BNC2: variants seen among roughly 807,000 people sequenced by gnomAD.
The protein encoded by BNC2 is zinc finger protein basonuclin-2.
BNC2 carries 20 observed loss-of-function variants against 76.3 expected under a neutral mutation model. The observed-to-expected ratio is 0.26, with a 90% CI of 0.18 to 0.38. The LOEUF is 0.38. Among genes scored for constraint, BNC2 ranks in the 10% least tolerant of loss-of-function variants. The pLI is 1.00. For synonymous variants in BNC2, 582 were observed against 514.8 expected (o/e 1.13, Z -1.77); for missense variants, 1,382 against 1,399.8 (o/e 0.99, Z 0.20).
At chr9:16,862,953 C>T (rs549411527) in intron 1 of BNC2, among the ~76,000 whole-genome samples, 229 of 150,458 alleles carry the variant, frequency 1.5e-3, no homozygotes, top group African/African-American at 5.3e-3. Flanking sequence ...CTTGCTCTGT[C>T]GCTCAGGCTA....
intron 5 of BNC2, among the ~76,000 whole-genome samples, chr9:16,493,425 A>C (rs1822319305): frequency 1.3e-5 from 2 of 152,234 alleles, no homozygotes; most frequent in Admixed American, 1.3e-4. Context: ...GTAAGAGGGA[A>C]CAAACAACTC....
At chr9:16,856,493 G>A (rs535119429) in intron 1 of BNC2, among the ~76,000 whole-genome samples, 1 of 152,144 alleles carries the variant, frequency 6.6e-6, no homozygotes, top group East Asian at 1.9e-4. Flanking sequence ...GGCTGGACTT[G>A]TACTTCTAGA....
intron 1 of BNC2, among the ~76,000 whole-genome samples, chr9:16,855,258 A>AG (rs1354535298): frequency 1.3e-5 from 2 of 152,178 alleles, no homozygotes; most frequent in Admixed American, 1.3e-4. Flanking sequence ...CATATGCCAG[A>AG]GGAAGACCAT....
intron 3 of BNC2, among the ~76,000 whole-genome samples, chr9:16,681,749 T>C (rs931060153): frequency 6.6e-6 from 1 of 152,180 alleles, no homozygotes; most frequent in Non-Finnish European, 1.5e-5. Context: ...TGTATGTACA[T>C]TTTTCAAATA....
rs1396297137 is a variant in BNC2 at position 16,753,304 on chromosome 9, C to G, written c.4-14819G>C. Among the ~76,000 whole-genome samples, 4 of 152,008 alleles carry G rather than the reference C, an allele frequency of 2.6e-5. No homozygotes were observed. The East Asian group carries it at 7.7e-4, about 29-fold the overall frequency. On this transcript the variant is annotated intron_variant, in intron 1 of 6. Transcript: ENST00000380672. ...TTTACAAATTCCAGTGAAAATGTGC[C>G]ACAGCTGGCAGAATAAATTACTGCA...
At chr9:16,765,104 G>T (rs1437169255) in intron 1 of BNC2, among the ~76,000 whole-genome samples, 1 of 152,092 alleles carries the variant, frequency 6.6e-6, no homozygotes, top group Non-Finnish European at 1.5e-5. Flanking sequence ...AAGGACGGAC[G>T]TTTGTACTAT....
chr9:16,491,497 A>G (rs1236084438), intron 5 of BNC2, among the ~76,000 whole-genome samples: 1 of 152,236 alleles, frequency 6.6e-6, no homozygotes, highest in Non-Finnish European at 1.5e-5. Flanking sequence ...CACACGCAGT[A>G]TTCCTTCAAA....
intron 3 of BNC2, among the ~76,000 whole-genome samples, chr9:16,605,110 T>G (rs1820346063): frequency 1.3e-5 from 2 of 152,204 alleles, no homozygotes; most frequent in African/African-American, 4.8e-5. Context: ...GAACACAACA[T>G]TGTAACTACT....
intron 3 of BNC2, among the ~76,000 whole-genome samples, chr9:16,659,396 T>C (rs1023454573): frequency 1.3e-5 from 2 of 151,548 alleles, no homozygotes; most frequent in Non-Finnish European, 2.9e-5. Context: ...GATCAGGAGG[T>C]CAGGAGATTG....
At chr9:16,698,236 C>A (rs10962542) in intron 3 of BNC2, among the ~76,000 whole-genome samples, 91,317 of 151,856 alleles carry the variant, frequency 0.6, 31,241 homozygotes, top group Non-Finnish European at 0.79. Context: ...GCTGCCTTCC[C>A]TAGCAGTATC....
intron 5 of BNC2, among the ~76,000 whole-genome samples, chr9:16,487,105 T>C (rs1304693863): frequency 1.3e-5 from 2 of 152,250 alleles, no homozygotes; most frequent in Admixed American, 6.5e-5. Context: ...AAAAGAGATG[T>C]GTAACTCAAG....
At chr9:16,489,982 C>G (rs150780715) in intron 5 of BNC2, among the ~76,000 whole-genome samples, 1 of 152,116 alleles carries the variant, frequency 6.6e-6, no homozygotes, top group Non-Finnish European at 1.5e-5. Context: ...CTCCTTCCCT[C>G]AAAAAATTTT....
chr9:16,457,290 T>C (rs1261503088), intron 5 of BNC2, among the ~76,000 whole-genome samples: 3 of 152,320 alleles, frequency 2.0e-5, no homozygotes, highest in African/African-American at 2.4e-5. Flanking sequence ...TGGAATCTTA[T>C]GTAAGTTAGT....
At chr9:16,552,137 T>A (rs1818681629) in intron 5 of BNC2, among the ~76,000 whole-genome samples, 1 of 152,064 alleles carries the variant, frequency 6.6e-6, no homozygotes, top group Admixed American at 6.5e-5. Context: ...AAACTGAGTA[T>A]GAGAAAAAGC....
chr9:16,446,339 A>C (rs1414714683), intron 5 of BNC2, among the ~76,000 whole-genome samples: 1 of 152,140 alleles, frequency 6.6e-6, no homozygotes, highest in Non-Finnish European at 1.5e-5. Flanking sequence ...CCTTGGATTA[A>C]AGTGGAAGTT....
At chr9:16,644,912 C>T (rs1821583297) in intron 3 of BNC2, among the ~76,000 whole-genome samples, 1 of 152,166 alleles carries the variant, frequency 6.6e-6, no homozygotes, top group Non-Finnish European at 1.5e-5. Context: ...TTGAAAGAAA[C>T]TAGAAACTGT....
chr9:16,635,890 C>T (rs1031449605), intron 3 of BNC2, among the ~76,000 whole-genome samples: 1 of 152,080 alleles, frequency 6.6e-6, no homozygotes, highest in African/African-American at 2.4e-5. Context: ...CTCCATATGG[C>T]AAAGGGTAGG....
intron 5 of BNC2, among the ~76,000 whole-genome samples, chr9:16,486,623 C>G (rs1162703976): frequency 6.6e-6 from 1 of 152,196 alleles, no homozygotes; most frequent in African/African-American, 2.4e-5. Context: ...ACATTAGGCT[C>G]TCAAATATTT....
intron 1 of BNC2, among the ~76,000 whole-genome samples, chr9:16,797,852 C>G (rs1817695553): frequency 6.6e-6 from 1 of 152,138 alleles, no homozygotes; most frequent in South Asian, 2.1e-4. Context: ...GGAAAGGAAG[C>G]AGGCCTATCC....
Sources: allele counts gnomAD v4.1 joint callset (sites outside exome capture counted in the v4.1 genomes callset), GRCh38; gene constraint gnomAD v4.1.1; transcripts MANE v1.5; gene names NCBI Gene and HGNC (gene_info 2026-07-23, HGNC 2026-07-21).